LTN1: variants seen among roughly 807,000 people sequenced by gnomAD.
The protein encoded by LTN1 is listerin E3 ubiquitin protein ligase 1, also known as E3 ubiquitin-protein ligase listerin.
A neutral mutation model predicts 201.2 loss-of-function variants in LTN1; 88 were observed. The ratio of observed to expected loss-of-function variants is 0.44; its 90% confidence interval spans 0.37 to 0.52. The LOEUF is 0.52. LTN1 is among the 20% of genes least tolerant of loss of function. The pLI is 0.00. For synonymous variants in LTN1, 645 were observed against 713.5 expected (o/e 0.90, Z 1.53); for missense variants, 1,752 against 2,038.7 (o/e 0.86, Z 2.71).
rs1468123185 is a variant in LTN1 at position 28,966,747 on chromosome 21, A to G, written c.1744T>C (p.Leu582=). The G allele has an allele frequency of 6.2e-7, 1 of 1,614,024 alleles. No individual in the cohort carries two copies. Among genetic ancestry groups the G allele is most frequent in the East Asian group, 2.2e-5 (1 of 44,880 alleles). Residue 582 remains leucine, a synonymous_variant, in exon 10 of 30, where the codon TTG becomes CTG. Transcript: ENST00000361371. ...PSLTHNSSGL[L]SPLRKKPLED... is the part of the protein sequence containing the mutation. ...AAAGGTTTTTTCCTTAGAGGAGACA[A>G]AAGGCCTGAAGAATTATGAGTGAGA...
rs556194722 is a variant in LTN1, at chr21:28,939,959, T to C, written c.4482+1261A>G. 5.3e-5 allele frequency among the ~76,000 whole-genome samples: 8 copies of C among 152,304 alleles called. No individual in the cohort carries two copies. The South Asian group carries it at 8.3e-4, about 16-fold the overall frequency. ...GTGATTTGACTTTTCCCCACAGATATACAAATGCAAAGATGCAAAAATTGA... is the reference window on the plus strand; with the variant it reads ...GTGATTTGACTTTTCCCCACAGATACACAAATGCAAAGATGCAAAAATTGA... On this transcript the variant is annotated intron_variant, in intron 25 of 29. Coordinates refer to ENST00000361371, the MANE Select transcript of LTN1 (RefSeq NM_015565.3).
In LTN1 at chr21:28,960,196, G is replaced by A. The variant is rs558243005; in HGVS notation, c.2353+321C>T. Reference sequence around the variant, plus strand: ...AGCCTGGCCAACACAGCGAAACCCCGTCTCTACTAAAAATATAAAATTTAG... The same window carrying A: ...AGCCTGGCCAACACAGCGAAACCCCATCTCTACTAAAAATATAAAATTTAG... On this transcript the variant is annotated intron_variant, in intron 12 of 29. Coordinates refer to ENST00000361371, the MANE Select transcript of LTN1 (RefSeq NM_015565.3). Among the ~76,000 whole-genome samples, 349 of 151,840 alleles carry A rather than the reference G, an allele frequency of 2.3e-3. 1 individual carries two copies. The highest frequency in any genetic ancestry group is 8.0e-3 in the African/African-American group (330 of 41,432).
chr21:28,964,091 A>C (rs916115870), intron 11 of LTN1, among the ~76,000 whole-genome samples: 1 of 152,230 alleles, frequency 6.6e-6, no homozygotes, highest in African/African-American at 2.4e-5. Flanking sequence ...ACATGACCAC[A>C]AAGGATTTAT....
At chr21:28,943,117 T>G in intron 24 of LTN1, 145 bp downstream of exon 24, 1 of 508,856 alleles carries the variant, frequency 2.0e-6, no homozygotes, top group Non-Finnish European at 3.5e-6. Context: ...CTATATTTCA[T>G]TTATATCTTA....
intron 18 of LTN1, among the ~76,000 whole-genome samples, chr21:28,948,149 G>A (rs184117496): frequency 0.19 from 20,499 of 106,708 alleles, 1,999 homozygotes; most frequent in Middle Eastern, 0.25. Flanking sequence ...TTGAGATTGG[G>A]CCCCTGCACT....
At chr21:28,955,464 T>C (rs1057457551) in intron 16 of LTN1, among the ~76,000 whole-genome samples, 3 of 152,292 alleles carry the variant, frequency 2.0e-5, no homozygotes, top group Middle Eastern at 3.4e-3. Context: ...AGCAATCCCA[T>C]TGAATATTTA....
chr21:28,952,995 T>G (rs2146280602), intron 17 of LTN1, among the ~76,000 whole-genome samples: 1 of 152,328 alleles, frequency 6.6e-6, no homozygotes, highest in African/African-American at 2.4e-5. Context: ...CCCTTGTATG[T>G]ATTTATGGAT....
intron 26 of LTN1, 133 bp from the exon 27 acceptor site, chr21:28,935,462 AC>A: frequency 1.6e-6 from 1 of 616,008 alleles, no homozygotes; most frequent in Non-Finnish European, 2.9e-6. Flanking sequence ...AAACAAACAT[AC>A]CAGAGAAACC....
In LTN1 at chr21:28,947,606, A is replaced by T. The variant is rs376902311; in HGVS notation, c.3345T>A (p.Ser1115Arg). The change falls in exon 19 of 30, where the codon AGT becomes AGA. Residue 1115 changes from serine to arginine, a missense_variant and splice_region_variant. Physicochemically the swap from Ser to Arg is moderately radical, Grantham distance 110. Coordinates refer to ENST00000361371, the MANE Select transcript of LTN1 (RefSeq NM_015565.3). ...AATTGCCTTCAGTTAGTGGAAAAAA[A>T]CTGTTTAAAGAAAAAAAAAACACAA... ...EVKPHYKRKE[S>R]FFPLTEGNLH... 1.1e-5 allele frequency: 17 copies of T among 1,551,842 alleles called. No homozygotes were observed. Among genetic ancestry groups the T allele is most frequent in the South Asian group, 8.8e-5 (7 of 79,958 alleles).
At position 28,959,516 on chromosome 21, in the gene LTN1, A is replaced by T. The variant is rs781276755; in HGVS notation, c.2535T>A (p.Asp845Glu). 6.2e-7 allele frequency: 1 copy of T among 1,614,016 alleles called. No homozygotes were observed. Among genetic ancestry groups the T allele is most frequent in the East Asian group, 2.2e-5 (1 of 44,854 alleles). ...ATAACTGAAAGAGAGTTAATAATAA[A>T]TCTTCAGATGATGGCATTAGCAAGC... ...KGCLLMPSSE[D>E]LLLTLFQLCA... Residue 845 changes from aspartate (D) to glutamate (E), a missense_variant, in exon 13 of 30, where the codon GAT becomes GAA. By Grantham distance (45) the Asp-to-Glu change is conservative. Transcript: ENST00000361371.
Position 28,953,263 on chromosome 21 carries a change from G to GT in LTN1, c.3192dup (p.Arg1065ThrfsTer5). 5 of 1,599,616 alleles carry GT rather than the reference G, an allele frequency of 3.1e-6. No individual in the cohort carries two copies. The highest frequency in any genetic ancestry group is 4.3e-6 in the Non-Finnish European group (5 of 1,176,052). ...AGGCCCGACGTATTACCAAGTACAC[G>GT]TAAGTTATCATACGTAATATTCATT... On this transcript the variant is annotated frameshift_variant, in exon 17 of 30. Transcript: ENST00000361371. LOFTEE classifies it high-confidence loss of function.
At chr21:28,957,671 C>A (rs2084438021) in intron 14 of LTN1, among the ~76,000 whole-genome samples, 195 bp from the exon 15 acceptor site, 1 of 152,056 alleles carries the variant, frequency 6.6e-6, no homozygotes, top group East Asian at 1.9e-4. Flanking sequence ...CAATATTTAT[C>A]ATTTGAAATC....
chr21:28,964,865 C>T (rs1054465516), intron 11 of LTN1: 1 of 1,384,060 alleles, frequency 7.2e-7, no homozygotes, highest in Non-Finnish European at 9.4e-7. Flanking sequence ...TAATTTAGCT[C>T]TTCATGTAAC....
intron 1 of LTN1, among the ~76,000 whole-genome samples, chr21:28,992,191 G>A (rs1313550432): frequency 6.6e-6 from 1 of 152,070 alleles, no homozygotes; most frequent in Non-Finnish European, 1.5e-5. Context: ...AAGAGCGTTG[G>A]GAGCCGGCCA....
intron 11 of LTN1, chr21:28,964,896 C>A: frequency 7.9e-7 from 1 of 1,269,804 alleles, no homozygotes; most frequent in Non-Finnish European, 1.0e-6. Flanking sequence ...GGAGAGAAGG[C>A]ACTAGATAAA....
chr21:28,934,436 G>A (rs1169734004), intron 27 of LTN1, among the ~76,000 whole-genome samples: 8 of 152,216 alleles, frequency 5.3e-5, no homozygotes, highest in Admixed American at 3.9e-4. Flanking sequence ...GATTTCCCAC[G>A]GGTGCTAGTC....
intron 19 of LTN1, 83 bp downstream of exon 19, chr21:28,947,381 A>T: frequency 9.0e-7 from 1 of 1,110,294 alleles, no homozygotes; most frequent in Non-Finnish European, 1.3e-6. Flanking sequence ...TACCTCTGCT[A>T]GATGTGGTCT....
At chr21:28,976,554 G>A (rs925103231) in intron 6 of LTN1, among the ~76,000 whole-genome samples, 1 of 146,524 alleles carries the variant, frequency 6.8e-6, no homozygotes, top group Non-Finnish European at 1.5e-5. Flanking sequence ...GAGCCAAGAT[G>A]ACACCACGGC....
intron 25 of LTN1, 25 bp downstream of exon 25, chr21:28,941,195 C>T (rs774815464): frequency 2.6e-6 from 4 of 1,567,602 alleles, no homozygotes; most frequent in Non-Finnish European, 3.5e-6. Flanking sequence ...ACAGAACTAT[C>T]GAAAGTTGTC....
Sources: gnomAD v4.1 joint callset for allele counts (sites outside exome capture counted in the v4.1 genomes callset) on GRCh38, gnomAD v4.1.1 for gene constraint, MANE v1.5 for transcripts, NCBI Gene and HGNC (gene_info 2026-07-23, HGNC 2026-07-21) for gene names.